PCDHGB5: variants seen among roughly 807,000 people sequenced by gnomAD.
PCDHGB5 encodes the protein protocadherin gamma-B5.
In PCDHGB5, 48 loss-of-function variants were observed where a neutral mutation model predicts 62.9. That is an observed-to-expected ratio of 0.76 (90% CI 0.61 to 0.97). The LOEUF is 0.97. PCDHGB5 is among the 50% of genes least tolerant of loss of function. The pLI is 0.00. For synonymous variants in PCDHGB5, 474 were observed against 511.2 expected, an observed-to-expected ratio of 0.93 and a Z score of 0.98; for missense variants, 1,118 against 1,198.6, an observed-to-expected ratio of 0.93 and a Z score of 0.99.
intron 1 of PCDHGB5, chr5:141,426,967 T>G (rs151241654): frequency 2.2e-6 from 1 of 456,702 alleles, no homozygotes; most frequent in East Asian, 6.9e-5. Context: ...GCAATTCAAA[T>G]TGAGGTCACT....
chr5:141,418,527 G>A, intron 1 of PCDHGB5: 2 of 1,614,018 alleles, frequency 1.2e-6, no homozygotes, highest in South Asian at 1.1e-5. Flanking sequence ...CCTCCCCGAA[G>A]CGGTACTGCT....
In PCDHGB5 at chr5:141,487,241, A is replaced by G. The variant is rs753291480; in HGVS notation, c.2398-7566A>G. ...TCCAAGGGAAGGAGAATCTCGTCTA[A>G]CCCTCTACTTGGCTGTGTCCCTAGT... On this transcript the variant is annotated intron_variant, in intron 1 of 3. Transcript: ENST00000617380. The surrounding 1 kb of genome is among the most constrained non-coding windows in gnomAD (Gnocchi z 5.0). 2 of 1,613,876 alleles carry G rather than the reference A, an allele frequency of 1.2e-6. No homozygotes were observed. The highest frequency in any genetic ancestry group is 3.3e-5 in the Admixed American group (2 of 59,988).
intron 2 of PCDHGB5, among the ~76,000 whole-genome samples, chr5:141,504,788 TC>T (rs1235410120): frequency 6.6e-6 from 1 of 152,070 alleles, no homozygotes; most frequent in Non-Finnish European, 1.5e-5. Context: ...TCTTGGGGCC[TC>T]CTACATCTCC....
Position 141,436,047 on chromosome 5 carries a change from T to G in PCDHGB5, c.2397+35523T>G, listed in dbSNP as rs141900903. On this transcript the variant is annotated intron_variant, in intron 1 of 3. Transcript: ENST00000617380. ...ATACTAAATTTGTATTTACATTAGT[T>G]TTCAAATAGAATTTAATAAGTACAG... is the stretch of plus-strand genomic sequence containing the variant. Among the ~76,000 whole-genome samples the G allele has an allele frequency of 1.0e-2, 1,517 of 152,280 alleles. 31 individuals carry two copies. The highest frequency in any genetic ancestry group is 0.034 in the African/African-American group (1,420 of 41,552).
chr5:141,428,658 T>G (rs932328483), intron 1 of PCDHGB5: 1 of 165,620 alleles, frequency 6.0e-6, no homozygotes, highest in Non-Finnish European at 1.3e-5. Flanking sequence ...TGAGTTCCAA[T>G]GAATGTCTTT....
At chr5:141,488,762 C>T (rs1470160100) in intron 1 of PCDHGB5, among the ~76,000 whole-genome samples, 1 of 152,142 alleles carries the variant, frequency 6.6e-6, no homozygotes, top group Non-Finnish European at 1.5e-5. Context: ...TGGGACAGAA[C>T]GCTGAGGAGT....
At position 141,419,527 on chromosome 5, in the gene PCDHGB5, C is replaced by G. The variant is rs755936657; in HGVS notation, c.2397+19003C>G. ...TGCGCGTGTTGGTGGGCGACCGTAA[C>G]GACAACGCACCGCGGGTGCTGTACC... is the stretch of plus-strand genomic sequence containing the variant. On this transcript the variant is annotated intron_variant, in intron 1 of 3. Transcript: ENST00000617380. The G allele has an allele frequency of 6.8e-5, 110 of 1,612,064 alleles. 2 individuals carry two copies. In the South Asian group the frequency reaches 9.6e-4, roughly 14 times the overall value.
Position 141,409,505 on chromosome 5 carries a change from A to G in PCDHGB5, c.2397+8981A>G, listed in dbSNP as rs1361558030. 5.6e-6 allele frequency: 9 copies of G among 1,614,036 alleles called. No homozygotes were observed. In the Middle Eastern group the frequency reaches 4.9e-4, roughly 89 times the overall value. On this transcript the variant is annotated intron_variant, in intron 1 of 3. Coordinates refer to ENST00000617380, the MANE Select transcript of PCDHGB5 (RefSeq NM_018925.3). Reference sequence around the variant, plus strand: ...CAGGGGCAAGCCGCCTCTTTCTTCCAGTAGAAGCATCACCTTGTATGTCGC... The same window carrying G: ...CAGGGGCAAGCCGCCTCTTTCTTCCGGTAGAAGCATCACCTTGTATGTCGC...
At position 141,398,098 on chromosome 5, in the gene PCDHGB5, C is replaced by T. The variant is rs770737294; in HGVS notation, c.-30C>T. 2.5e-6 allele frequency: 4 copies of T among 1,596,954 alleles called. No homozygotes were observed. In the South Asian group the frequency reaches 4.5e-5, roughly 18 times the overall value. ...TTATTTGTAACCTGGCGTCTCCAGGCTGGTGAGCAAGCTGAGGAGAGCAAG... is the reference window on the plus strand; with the variant it reads ...TTATTTGTAACCTGGCGTCTCCAGGTTGGTGAGCAAGCTGAGGAGAGCAAG... On this transcript the variant is annotated 5_prime_UTR_variant, in exon 1 of 4. Transcript: ENST00000617380.
intron 1 of PCDHGB5, among the ~76,000 whole-genome samples, chr5:141,457,424 C>T (rs1261475379): frequency 6.6e-6 from 1 of 152,068 alleles, no homozygotes; most frequent in Non-Finnish European, 1.5e-5. Context: ...TCCCTTTTTC[C>T]CCCCCACCAA....
chr5:141,418,938 C>G, intron 1 of PCDHGB5: 1 of 1,613,738 alleles, frequency 6.2e-7, no homozygotes, highest in Non-Finnish European at 8.5e-7. Flanking sequence ...ATGGAGGATT[C>G]CCCTCCAGGA....
chr5:141,423,514 G>T (rs1208270970), intron 1 of PCDHGB5: 2 of 1,613,812 alleles, frequency 1.2e-6, no homozygotes, highest in Non-Finnish European at 1.7e-6. Flanking sequence ...TCTCATTGCG[G>T]ACTCGCAGAA....
chr5:141,476,016 G>A lies in PCDHGB5; in HGVS notation c.2398-18791G>A. 7.4e-7 allele frequency: 1 copy of A among 1,359,386 alleles called. No individual in the cohort carries two copies. 84.2% of individuals were successfully genotyped at this position (1,359,386 alleles called of 1,614,324 possible). A position where few individuals can be genotyped will look rare whatever the true frequency, so the allele number is the denominator to read the frequency against. On this transcript the variant is annotated intron_variant, in intron 1 of 3. Coordinates refer to ENST00000617380, the MANE Select transcript of PCDHGB5 (RefSeq NM_018925.3). This position sits in a 1 kb window ranked among gnomAD's most constrained non-coding sequence, Gnocchi z 7.6. ...TCAACGGCATCCAGAAAGCCATGTC[G>A]GACTCGGCGCCCAGCGCCCAAGCGC...
chr5:141,420,956 T>C lies in PCDHGB5; in HGVS notation c.2397+20432T>C, dbSNP rs17097281. 2.2e-3 allele frequency: 904 copies of C among 416,864 alleles called. 5 individuals carry two copies. The highest frequency in any genetic ancestry group is 0.016 in the African/African-American group (760 of 48,560). 25.8% of individuals were successfully genotyped at this position (416,864 alleles called of 1,614,324 possible). A position where few individuals can be genotyped will look rare whatever the true frequency, so the allele number is the denominator to read the frequency against. Reference sequence around the variant, plus strand: ...AATCATTTCTTCTGGAATTTCTTAGTCGTTGCAATAATAAGAATGGGCTCT... The same window carrying C: ...AATCATTTCTTCTGGAATTTCTTAGCCGTTGCAATAATAAGAATGGGCTCT... On this transcript the variant is annotated intron_variant, in intron 1 of 3. Coordinates refer to ENST00000617380, the MANE Select transcript of PCDHGB5 (RefSeq NM_018925.3).
At position 141,490,219 on chromosome 5, in the gene PCDHGB5, C is replaced by T. The variant is rs771985398; in HGVS notation, c.2398-4588C>T. 2.5e-5 allele frequency: 41 copies of T among 1,614,094 alleles called. No individual in the cohort carries two copies. The highest frequency in any genetic ancestry group is 3.3e-5 in the Non-Finnish European group (39 of 1,180,038). On this transcript the variant is annotated intron_variant, in intron 1 of 3. Coordinates refer to ENST00000617380, the MANE Select transcript of PCDHGB5 (RefSeq NM_018925.3). This position sits in a 1 kb window ranked among gnomAD's most constrained non-coding sequence, Gnocchi z 5.4. ...TCATGCAAGAGCCCGTGACCAGGGA[C>T]AGCCTGCCATGGAGGGCCACTGTGT... is the stretch of plus-strand genomic sequence containing the variant.
chr5:141,415,026 G>T, intron 1 of PCDHGB5: 2 of 1,613,590 alleles, frequency 1.2e-6, no homozygotes, highest in Non-Finnish European at 1.7e-6. Context: ...AGGCCAGCGA[G>T]CCGGGACTCT....
At chr5:141,478,279 G>A (rs2099443292) in intron 1 of PCDHGB5, 1 of 1,614,202 alleles carries the variant, frequency 6.2e-7, no homozygotes, top group Middle Eastern at 1.6e-4. Context: ...ACAAGTGGAA[G>A]CAGTCTAGAG....
chr5:141,422,643 C>T, intron 1 of PCDHGB5: 1 of 1,612,336 alleles, frequency 6.2e-7, no homozygotes, highest in Non-Finnish European at 8.5e-7. Flanking sequence ...GTGCCTCCAT[C>T]TTCTCAGTGA....
chr5:141,465,546 T>C (rs572856697), intron 1 of PCDHGB5, among the ~76,000 whole-genome samples: 1 of 152,338 alleles, frequency 6.6e-6, no homozygotes, highest in South Asian at 2.1e-4. Context: ...GCATTTTTTC[T>C]GCTGAAGCTT....
Sources: allele counts gnomAD v4.1 joint callset (sites outside exome capture counted in the v4.1 genomes callset), GRCh38; gene constraint gnomAD v4.1.1; non-coding constraint Gnocchi (gnomAD v3.1); transcripts MANE v1.5; gene names NCBI Gene and HGNC (gene_info 2026-07-23, HGNC 2026-07-21).